Variants in ASPA observed in about 807,000 individuals in gnomAD.
ASPA encodes the protein aspartoacylase, also known as ACY-2.
ASPA carries 25 observed loss-of-function variants against 29.6 expected under a neutral mutation model. That is an observed-to-expected ratio of 0.85 (90% CI 0.62 to 1.18). ASPA has a LOEUF of 1.18. ASPA is among the 50% of genes most tolerant of loss of function. The pLI is 0.00. For missense variants in ASPA, 333 were observed against 385.7 expected (o/e 0.86, Z 1.14); for synonymous variants, 131 against 130.3 (o/e 1.01, Z -0.04).
chr17:3,491,261 C>G (rs902339754), intron 4 of ASPA, among the ~76,000 whole-genome samples: 1 of 152,066 alleles, frequency 6.6e-6, no homozygotes, highest in East Asian at 1.9e-4. Flanking sequence ...ACATCAGGGA[C>G]CAAAGTTTTG....
intron 4 of ASPA, among the ~76,000 whole-genome samples, chr17:3,493,093 G>A (rs774680642): frequency 2.6e-5 from 4 of 152,164 alleles, no homozygotes; most frequent in Non-Finnish European, 5.9e-5. Context: ...TGGACCAAAC[G>A]TTCATCCTGT....
chr17:3,500,512 T>TTTTTGTTTTTTGG lies in ASPA; in HGVS notation c.*1428_*1429insGTTTTTTGGTTTT, dbSNP rs1463285437. 3.8e-4 allele frequency: 1 copy of TTTTTGTTTTTTGG among 2,620 alleles called. No homozygotes were observed. Among genetic ancestry groups the TTTTTGTTTTTTGG allele is most frequent in the East Asian group, 2.3e-3 (1 of 438 alleles). 0.2% of individuals were successfully genotyped at this position (2,620 alleles called of 1,614,324 possible). On this transcript the variant is annotated 3_prime_UTR_variant, in exon 6 of 6. Coordinates refer to ENST00000263080, the MANE Select transcript of ASPA (RefSeq NM_000049.4). Reference sequence around the variant, plus strand: ...AAATCCTAAAACTCTTGTTTTTTGTTTTTTTTTTGAGACGGAGTCTTGCTC... The same window carrying TTTTTGTTTTTTGG: ...AAATCCTAAAACTCTTGTTTTTTGTTTTTTGTTTTTTGGTTTTTTTTGAGACGGAGTCTTGCTC...
chr17:3,475,620 G>GT (rs1339446706), upstream of ASPA: 4 of 159,350 alleles, frequency 2.5e-5, no homozygotes. Context: ...GCCTTTGGCT[G>GT]TTTATAGAGG....
Position 3,481,690 on chromosome 17 carries a change from C to T in ASPA, c.324C>T (p.Ser108=), listed in dbSNP as rs1032323308. The T allele has an allele frequency of 1.2e-6, 2 of 1,613,642 alleles. No homozygotes were observed. Among genetic ancestry groups the T allele is most frequent in the Admixed American group, 3.3e-5 (2 of 59,978 alleles). ...TTGGTCCAAAAGACAGTGAAGATTC[C>T]TATGACATTATTTTTGACCTTCACA... ...HLFGPKDSED[S]YDIIFDLHNT... The change falls in exon 2 of 6, where the codon TCC becomes TCT. Residue 108 remains serine (S), a synonymous_variant. Coordinates refer to ENST00000263080, the MANE Select transcript of ASPA (RefSeq NM_000049.4).
intron 4 of ASPA, among the ~76,000 whole-genome samples, chr17:3,491,058 G>A (rs187397397): frequency 1.3e-5 from 2 of 152,284 alleles, no homozygotes; most frequent in Admixed American, 1.3e-4. Context: ...GAAGAAGTGT[G>A]TAGAAGGGCT....
In ASPA at chr17:3,490,490, G is replaced by A. The variant is rs768803557; in HGVS notation, c.634+1148G>A. ...ATGGGCAATTATAATAACAGAGGGG[G>A]TGTGTACTTCGGTGTCTGTGGGGAG... On this transcript the variant is annotated intron_variant, in intron 4 of 5. Coordinates refer to ENST00000263080, the MANE Select transcript of ASPA (RefSeq NM_000049.4). The surrounding 1 kb of genome is among the most constrained non-coding windows in gnomAD (Gnocchi z 4.6). 2.0e-5 allele frequency among the ~76,000 whole-genome samples: 3 copies of A among 152,154 alleles called. No individual in the cohort carries two copies.
chr17:3,486,109 T>C (rs1272124516), intron 3 of ASPA, among the ~76,000 whole-genome samples: 2 of 152,116 alleles, frequency 1.3e-5, no homozygotes, highest in African/African-American at 2.4e-5. Context: ...ATTTTTTGCA[T>C]TTTTAGTAGA....
At chr17:3,498,181 C>T (rs2073938946) in intron 5 of ASPA, among the ~76,000 whole-genome samples, 1 of 152,176 alleles carries the variant, frequency 6.6e-6, no homozygotes, top group Non-Finnish European at 1.5e-5. Flanking sequence ...ATGTCTTGCA[C>T]ACAGAAGACT....
intron 3 of ASPA, among the ~76,000 whole-genome samples, chr17:3,484,477 C>T (rs2073685700): frequency 6.6e-6 from 1 of 151,984 alleles, no homozygotes; most frequent in African/African-American, 2.4e-5. Flanking sequence ...ACAGAAGGCC[C>T]AAAGAAGTGG....
chr17:3,490,828 G>A lies in ASPA; in HGVS notation c.634+1486G>A, dbSNP rs774152155. On this transcript the variant is annotated intron_variant, in intron 4 of 5. Coordinates refer to ENST00000263080, the MANE Select transcript of ASPA (RefSeq NM_000049.4). This position sits in a 1 kb window ranked among gnomAD's most constrained non-coding sequence, Gnocchi z 4.6. ...ATAGTCCATAGAATCCTATCACAAC[G>A]GTGGAGAAAAGCAGTTCCTGGAACA... is the stretch of plus-strand genomic sequence containing the variant. Among the ~76,000 whole-genome samples, 14 of 152,106 alleles carry A rather than the reference G, an allele frequency of 9.2e-5. No homozygotes were observed. The highest frequency in any genetic ancestry group is 1.5e-4 in the Non-Finnish European group (10 of 68,016).
In ASPA at chr17:3,499,538, ACTCCTTGTCTCTG is replaced by A. The variant is rs2073965854; in HGVS notation, c.*451_*463del. On this transcript the variant is annotated 3_prime_UTR_variant, in exon 6 of 6. Coordinates refer to ENST00000263080, the MANE Select transcript of ASPA (RefSeq NM_000049.4). ...GCCATGTTTCCAACAGCATGTGCTC[ACTCCTTGTCTCTG>A]TGTCACCCTTTGATAATATTTCAAG... 1 of 100,114 alleles carries A rather than the reference ACTCCTTGTCTCTG, an allele frequency of 1.0e-5. No individual in the cohort carries two copies. The highest frequency in any genetic ancestry group is 2.4e-5 in the Non-Finnish European group (1 of 41,288). 6.2% of individuals were successfully genotyped at this position (100,114 alleles called of 1,614,324 possible). A position where few individuals can be genotyped will look rare whatever the true frequency, so the allele number is the denominator to read the frequency against.
In ASPA at chr17:3,489,221, CCTT is replaced by C; in HGVS notation, c.527-11_527-9del. 6.8e-7 allele frequency: 1 copy of C among 1,463,064 alleles called. No homozygotes were observed. 90.6% of individuals were successfully genotyped at this position (1,463,064 alleles called of 1,614,324 possible). ...TACTTATATAAATGTGACTATCTCT[CCTT>C]CTGTACCTAGGTATAGAAGTTGGTC... On this transcript the variant is annotated splice_polypyrimidine_tract_variant and intron_variant, in intron 3 of 5. Coordinates refer to ENST00000263080, the MANE Select transcript of ASPA (RefSeq NM_000049.4).
At position 3,488,053 on chromosome 17, in the gene ASPA, G is replaced by A. The variant is rs990501032; in HGVS notation, c.527-1182G>A. 4.6e-5 allele frequency among the ~76,000 whole-genome samples: 7 copies of A among 152,276 alleles called. No homozygotes were observed. The highest frequency in any genetic ancestry group is 2.9e-5 in the Non-Finnish European group (2 of 68,028). ...ATGCAAGAGAATAAGATAAGATTTT[G>A]TGTATTGGGAAATAACAGAAGCGGG... On this transcript the variant is annotated intron_variant, in intron 3 of 5. Coordinates refer to ENST00000263080, the MANE Select transcript of ASPA (RefSeq NM_000049.4). This position sits in a 1 kb window ranked among gnomAD's most constrained non-coding sequence, Gnocchi z 6.1.
chr17:3,486,989 G>A (rs2073734036), intron 3 of ASPA, among the ~76,000 whole-genome samples: 2 of 152,222 alleles, frequency 1.3e-5, no homozygotes, highest in East Asian at 1.9e-4. Context: ...ATGAGACCAC[G>A]GTTAATCTGA....
intron 4 of ASPA, among the ~76,000 whole-genome samples, chr17:3,493,560 CAAAAAAAAA>C (rs746229421): frequency 1.8e-4 from 10 of 56,368 alleles, no homozygotes; most frequent in Admixed American, 5.5e-4. Context: ...GGTTCCATCT[CAAAAAAAAA>C]AAAAAAAAAA....
chr17:3,478,502 G>A (rs1404083066), intron 1 of ASPA, among the ~76,000 whole-genome samples: 1 of 152,184 alleles, frequency 6.6e-6, no homozygotes, highest in African/African-American at 2.4e-5. Context: ...ATTGACCTAA[G>A]AGAGCTGTTA....
chr17:3,497,085 G>C (rs541863496), intron 5 of ASPA, among the ~76,000 whole-genome samples: 1 of 152,124 alleles, frequency 6.6e-6, no homozygotes, highest in African/African-American at 2.4e-5. Context: ...AAAAAATGCT[G>C]ATTTCTGAGT....
Position 3,477,366 on chromosome 17 carries a change from T to C in ASPA, c.236+971T>C, listed in dbSNP as rs537656997. ...GTCATAACATGCTAGGTTAGGTCCT[T>C]ATTAATTATTTTTGCCTTCGTTTAC... On this transcript the variant is annotated intron_variant, in intron 1 of 5. Transcript: ENST00000263080. Among the ~76,000 whole-genome samples the C allele has an allele frequency of 2.5e-4, 38 of 152,332 alleles. 1 individual carries two copies. The South Asian group carries it at 7.7e-3, about 31-fold the overall frequency.
Position 3,488,360 on chromosome 17 carries a change from A to G in ASPA, c.527-875A>G, listed in dbSNP as rs1448034441. On this transcript the variant is annotated intron_variant, in intron 3 of 5. Coordinates refer to ENST00000263080, the MANE Select transcript of ASPA (RefSeq NM_000049.4). This position sits in a 1 kb window ranked among gnomAD's most constrained non-coding sequence, Gnocchi z 6.1. ...GAAATGAACACAAGTTTTTTCCTGC[A>G]TAAAATTAAAACCAGGCCAAGCACG... Among the ~76,000 whole-genome samples the G allele has an allele frequency of 6.6e-6, 1 of 152,208 alleles. No individual in the cohort carries two copies. Among genetic ancestry groups the G allele is most frequent in the African/African-American group, 2.4e-5 (1 of 41,452 alleles).
Sources: gnomAD v4.1 joint callset for allele counts (sites outside exome capture counted in the v4.1 genomes callset) on GRCh38, gnomAD v4.1.1 for gene constraint, Gnocchi (gnomAD v3.1) non-coding constraint, MANE v1.5 for transcripts, NCBI Gene and HGNC (gene_info 2026-07-23, HGNC 2026-07-21) for gene names.